Variants in PCED1A observed in about 807,000 individuals in gnomAD.
PCED1A encodes the protein PC-esterase domain containing 1A, also known as PC-esterase domain-containing protein 1A.
Under a neutral mutation model 41.9 loss-of-function variants are expected in PCED1A, and 20 were observed. The observed-to-expected ratio is 0.48, with a 90% CI of 0.34 to 0.69. The LOEUF is 0.69. Among genes scored for constraint, PCED1A ranks in the 30% least tolerant of loss-of-function variants. The pLI is 0.01. For missense variants in PCED1A, 498 were observed against 602.1 expected (o/e 0.83, Z 1.81); for synonymous variants, 236 against 241.3 (o/e 0.98, Z 0.20).
upstream of PCED1A, chr20:2,841,011 C>G (rs995195091): frequency 2.5e-5 from 15 of 604,066 alleles, no homozygotes; most frequent in Middle Eastern, 1.3e-3. Context: ...TTCCCCTGCT[C>G]CAGAAAAGGA....
chr20:2,835,837 C>T, intron 7 of PCED1A, 128 bp from the exon 8 acceptor site: 1 of 1,473,922 alleles, frequency 6.8e-7, no homozygotes, highest in Non-Finnish European at 9.0e-7. Flanking sequence ...GATAGTCCTT[C>T]CCCTACCTTC....
At chr20:2,839,720 A>G (rs1599956413) in intron 2 of PCED1A, 69 bp downstream of exon 2, 20 of 1,576,068 alleles carry the variant, frequency 1.3e-5, no homozygotes, top group Non-Finnish European at 1.7e-5. Flanking sequence ...ATGGAAACAA[A>G]TGGTCCAGAC....
intron 6 of PCED1A, 42 bp from the exon 7 acceptor site, chr20:2,836,356 G>C (rs2146604210): frequency 1.3e-6 from 2 of 1,557,530 alleles, no homozygotes; most frequent in Non-Finnish European, 1.8e-6. Flanking sequence ...TGGGAGCCAG[G>C]CTGCCCTGAA....
At position 2,839,048 on chromosome 20, in the gene PCED1A, G is replaced by A; in HGVS notation, c.239C>T (p.Ala80Val). The change falls in exon 4 of 8, where the codon GCT becomes GTT. Residue 80 changes from alanine to valine, a missense_variant. Ala to Val is a moderately conservative substitution (Grantham distance 64). Around this residue, in one of 2 missense-constraint regions of PCED1A, gnomAD observed 253 missense variants for 369.7 expected, o/e 0.68. Transcript: ENST00000360652. ...GTGCAGCTCGCCCAGCTGGCCCCCA[G>A]CCACCAGCTGGTCCTGTTCAAAGCT... is the stretch of plus-strand genomic sequence containing the variant. ...ELSFEQDQLVAGGQLGELHNG... is the reference protein window; with the variant it reads ...ELSFEQDQLVVGGQLGELHNG... The A allele has an allele frequency of 6.2e-7, 1 of 1,613,384 alleles. No individual in the cohort carries two copies. Among genetic ancestry groups the A allele is most frequent in the African/African-American group, 1.3e-5 (1 of 75,016 alleles).
In PCED1A at chr20:2,835,509, T is replaced by G. The variant is rs2088806986; in HGVS notation, c.1318A>C (p.Lys440Gln). 1.9e-6 allele frequency: 3 copies of G among 1,613,988 alleles called. No individual in the cohort carries two copies. Among genetic ancestry groups the G allele is most frequent in the Admixed American group, 3.3e-5 (2 of 59,996 alleles). ...RHSERLIHTY[K>Q]LDRRPPAHSG... ...TGGGCAGGAGGCCGTCTGTCCAGTT[T>G]GTATGTGTGGATCAGTCTCTCTGAG... Residue 440 changes from lysine (K) to glutamine (Q), a missense_variant, in exon 8 of 8, where the codon AAA becomes CAA. Lys to Gln is a moderately conservative substitution (Grantham distance 53). Around this residue, in one of 2 missense-constraint regions of PCED1A, gnomAD observed 245 missense variants for 232.4 expected, o/e 1.05. Coordinates refer to ENST00000360652, the MANE Select transcript of PCED1A (RefSeq NM_022760.6).
rs779294252 is a variant in PCED1A at position 2,835,558 on chromosome 20, C to A, written c.1269G>T (p.Gly423=). 1.2e-5 allele frequency: 20 copies of A among 1,613,720 alleles called. No homozygotes were observed. Among genetic ancestry groups the A allele is most frequent in the African/African-American group, 2.7e-5 (2 of 74,878 alleles). Residue 423 remains glycine, a synonymous_variant, in exon 8 of 8, where the codon GGG becomes GGT. Coordinates refer to ENST00000360652, the MANE Select transcript of PCED1A (RefSeq NM_022760.6). ...AGTGTCTGAGCCGCTGCCTGCAGGG[C>A]CCCCCCATTCTCCGCACATGGTAGG... ...NSPYHVRRMG[G]PCRQRLRHSE...
chr20:2,839,855 G>A lies in PCED1A; in HGVS notation c.58C>T (p.His20Tyr). Residue 20 changes from histidine to tyrosine, a missense_variant, in exon 2 of 8, where the codon CAC becomes TAC. Physicochemically the swap from His to Tyr is moderately conservative, Grantham distance 83. Transcript: ENST00000360652. ...PRRPLRSDMVHFQASEVQQLL... is the reference protein window; with the variant it reads ...PRRPLRSDMVYFQASEVQQLL... ...TGCTGGACTTCCGAGGCCTGGAAGT[G>A]GACCATGTCGCTTCGCAGCGGGCGG... 6.2e-7 allele frequency: 1 copy of A among 1,614,196 alleles called. No homozygotes were observed. Among genetic ancestry groups the A allele is most frequent in the Non-Finnish European group, 8.5e-7 (1 of 1,180,020 alleles).
Position 2,838,914 on chromosome 20 carries a change from G to C in PCED1A, c.373C>G (p.Leu125Val), listed in dbSNP as rs1354493399. 3 of 1,613,934 alleles carry C rather than the reference G, an allele frequency of 1.9e-6. No homozygotes were observed. The highest frequency in any genetic ancestry group is 2.5e-6 in the Non-Finnish European group (3 of 1,180,032). The change falls in exon 4 of 8, where the codon CTG becomes GTG. Residue 125 changes from leucine (L) to valine (V), a missense_variant. Physicochemically the swap from Leu to Val is conservative, Grantham distance 32 (BLOSUM62 1). Transcript: ENST00000360652. The surrounding 1 kb of genome is among the most constrained non-coding windows in gnomAD (Gnocchi z 5.8). ...GCAGGTCCATATGTCAGCTCTTCCA[G>C]AACATCCTCAAGGTACTCGGAGTAA... The part of the protein sequence containing the change: ...RVYSEYLEDV[L>V]EELTYGPAPD...
chr20:2,836,174 G>A lies in PCED1A; in HGVS notation c.982C>T (p.Leu328Phe), dbSNP rs1459507796. ...LPPPMPFPYP[L>F]PQPSPPPLFP... ...AGGGGAGGTGGCGAGGGCTGAGGAA[G>A]CGGGTAGGGAAAAGGCATGGGAGGA... The change falls in exon 7 of 8, where the codon CTT becomes TTT. Residue 328 changes from leucine to phenylalanine, a missense_variant. Transcript: ENST00000360652. 1 of 1,610,782 alleles carries A rather than the reference G, an allele frequency of 6.2e-7. No individual in the cohort carries two copies. Among genetic ancestry groups the A allele is most frequent in the Admixed American group, 1.7e-5 (1 of 59,866 alleles).
In PCED1A at chr20:2,838,635, G is replaced by C. The variant is rs758932582; in HGVS notation, c.555C>G (p.Pro185=). Residue 185 remains proline (P), a synonymous_variant, in exon 5 of 8, where the codon CCC becomes CCG. Transcript: ENST00000360652. The surrounding 1 kb of genome is among the most constrained non-coding windows in gnomAD (Gnocchi z 5.8). ...AACCCCCAGTGATACGTTCCCCGAG[G>C]GGCATCGCCATGTTCCACACCAGCA... The part of the protein sequence containing the change: ...SCLLVWNMAM[P]LGERITGGFL... 1.9e-6 allele frequency: 3 copies of C among 1,614,068 alleles called. No homozygotes were observed. Among genetic ancestry groups the C allele is most frequent in the African/African-American group, 2.7e-5 (2 of 74,918 alleles).
Position 2,840,645 on chromosome 20 carries a change from C to T in PCED1A, c.-456G>A. Reference sequence around the variant, plus strand: ...TCGGGGCGGCAGCCAAGTGAGGCTGCCCACAGTGGTGATGGCCGCGGCGGC... The same window carrying T: ...TCGGGGCGGCAGCCAAGTGAGGCTGTCCACAGTGGTGATGGCCGCGGCGGC... On this transcript the variant is annotated 5_prime_UTR_variant, in exon 1 of 8. Transcript: ENST00000360652. 3 of 1,025,968 alleles carry T rather than the reference C, an allele frequency of 2.9e-6. No individual in the cohort carries two copies. Among genetic ancestry groups the T allele is most frequent in the Non-Finnish European group, 4.4e-6 (3 of 678,796 alleles). The allele number at this position is 1,025,968 out of a possible 1,614,324, so 63.6% of individuals were successfully genotyped here. A position where few individuals can be genotyped will look rare whatever the true frequency, so the allele number is the denominator to read the frequency against.
upstream of PCED1A, chr20:2,840,775 A>G (rs1225591360): frequency 7.7e-6 from 12 of 1,548,522 alleles, no homozygotes; most frequent in Non-Finnish European, 1.0e-5. Context: ...TGCACCAGCC[A>G]TGGACTGCTA....
intron 6 of PCED1A, among the ~76,000 whole-genome samples, chr20:2,837,642 C>G (rs758553903): frequency 6.6e-6 from 1 of 152,062 alleles, no homozygotes; most frequent in Non-Finnish European, 1.5e-5. Flanking sequence ...GGGAGTGGGG[C>G]CCTCAGAAGC....
At chr20:2,841,042 T>G, upstream of PCED1A, 4 of 575,350 alleles carry the variant, frequency 7.0e-6, no homozygotes, top group Non-Finnish European at 9.2e-6. Flanking sequence ...AGCACAGTGG[T>G]CACCCCGAAG....
At position 2,840,362 on chromosome 20, in the gene PCED1A, G is replaced by A. The variant is rs2088942304; in HGVS notation, c.-173C>T. 7.1e-6 allele frequency: 2 copies of A among 281,944 alleles called. No homozygotes were observed. The highest frequency in any genetic ancestry group is 4.5e-5 in the South Asian group (1 of 22,322). 17.5% of individuals were successfully genotyped at this position (281,944 alleles called of 1,614,324 possible). On this transcript the variant is annotated 5_prime_UTR_variant, in exon 1 of 8. Coordinates refer to ENST00000360652, the MANE Select transcript of PCED1A (RefSeq NM_022760.6). ...AAGCTCCCGCCCCGCAGAGACCGTGGGTCCAGGTTAGCCGTCGGTGCACAG... is the reference window on the plus strand; with the variant it reads ...AAGCTCCCGCCCCGCAGAGACCGTGAGTCCAGGTTAGCCGTCGGTGCACAG...
intron 6 of PCED1A, among the ~76,000 whole-genome samples, chr20:2,837,928 T>C (rs898099262): frequency 3.9e-5 from 6 of 152,200 alleles, no homozygotes; most frequent in African/African-American, 1.4e-4. Context: ...CCCATTTCTT[T>C]CCTGTTAATC....
Position 2,839,934 on chromosome 20 carries a change from C to T in PCED1A, c.-21-1G>A. ...CCATGCCGCCACCAGCAACGACAGG[C>T]TGCAGGGAGAGGCCACTAAGCAGCG... On this transcript the variant is annotated splice_acceptor_variant, in intron 1 of 7. Transcript: ENST00000360652. LOFTEE classifies it low-confidence loss of function (5UTR_SPLICE). 2 of 1,606,940 alleles carry T rather than the reference C, an allele frequency of 1.2e-6. No homozygotes were observed. Among genetic ancestry groups the T allele is most frequent in the South Asian group, 1.1e-5 (1 of 90,604 alleles).
rs1599959910 is a variant in PCED1A at position 2,840,634 on chromosome 20, A to C, written c.-445T>G. On this transcript the variant is annotated 5_prime_UTR_variant, in exon 1 of 8. Coordinates refer to ENST00000360652, the MANE Select transcript of PCED1A (RefSeq NM_022760.6). ...GGGCTGGGGTCTCGGGGCGGCAGCCAAGTGAGGCTGCCCACAGTGGTGATG... is the reference window on the plus strand; with the variant it reads ...GGGCTGGGGTCTCGGGGCGGCAGCCCAGTGAGGCTGCCCACAGTGGTGATG... 1.1e-6 allele frequency: 1 copy of C among 914,286 alleles called. No individual in the cohort carries two copies. 56.6% of individuals were successfully genotyped at this position (914,286 alleles called of 1,614,324 possible). A position where few individuals can be genotyped will look rare whatever the true frequency, so the allele number is the denominator to read the frequency against.
chr20:2,840,175 G>C, intron 1 of PCED1A, 36 bp downstream of exon 1: 2 of 354,688 alleles, frequency 5.6e-6, no homozygotes, highest in Non-Finnish European at 1.0e-5. Context: ...GCCCGCCGCC[G>C]TCCCGCGCAT....
Sources: allele counts gnomAD v4.1 joint callset (sites outside exome capture counted in the v4.1 genomes callset), GRCh38; gene constraint gnomAD v4.1.1; regional missense constraint gnomAD v4.1.1; non-coding constraint Gnocchi (gnomAD v3.1); transcripts MANE v1.5; gene names NCBI Gene and HGNC (gene_info 2026-07-23, HGNC 2026-07-21).